Variants in PTPRM observed in about 807,000 individuals in gnomAD.
PTPRM encodes protein tyrosine phosphatase receptor type M.
Under a neutral mutation model 186.7 loss-of-function variants are expected in PTPRM, and 47 were observed. The observed-to-expected ratio is 0.25, with a 90% CI of 0.20 to 0.32. The LOEUF is 0.32. Among genes scored for constraint, PTPRM ranks in the 10% least tolerant of loss-of-function variants. PTPRM has a pLI of 1.00. For missense variants in PTPRM, 1,494 were observed against 1,865.0 expected, an observed-to-expected ratio of 0.80 and a Z score of 3.66; for synonymous variants, 668 against 674.9, an observed-to-expected ratio of 0.99 and a Z score of 0.16.
At position 7,979,228 on chromosome 18, in the gene PTPRM, T is replaced by C. The variant is rs145649401; in HGVS notation, c.1132+23814T>C. Among the ~76,000 whole-genome samples the C allele has an allele frequency of 8.2e-3, 1,253 of 152,312 alleles. 7 individuals are homozygous for C. Among genetic ancestry groups the C allele is most frequent in the South Asian group, 0.033 (159 of 4,822 alleles). ...ACCTTTGTCTGACCCTGTCTAAGTA[T>C]ATAAAAAACACAGAAGCATTCCCTT... On this transcript the variant is annotated intron_variant, in intron 7 of 32. Coordinates refer to ENST00000580170, the MANE Select transcript of PTPRM (RefSeq NM_001105244.2).
intron 7 of PTPRM, among the ~76,000 whole-genome samples, chr18:8,008,272 C>T (rs2084309677): frequency 6.6e-6 from 1 of 152,112 alleles, no homozygotes; most frequent in East Asian, 1.9e-4. Context: ...GTCGGCAGTT[C>T]AGTTCTGCAC....
At chr18:8,268,008 T>G (rs2094723235) in intron 19 of PTPRM, among the ~76,000 whole-genome samples, 1 of 152,180 alleles carries the variant, frequency 6.6e-6, no homozygotes, top group African/African-American at 2.4e-5. Flanking sequence ...TTGCCTACCT[T>G]TCCTTTCTTC....
intron 7 of PTPRM, among the ~76,000 whole-genome samples, chr18:8,008,941 G>A (rs941101221): frequency 6.6e-6 from 1 of 152,158 alleles, no homozygotes; most frequent in Non-Finnish European, 1.5e-5. Context: ...ACTGTAAGGA[G>A]GCTTAAAATC....
chr18:7,850,168 G>T (rs992234703), intron 2 of PTPRM, among the ~76,000 whole-genome samples: 4 of 152,122 alleles, frequency 2.6e-5, no homozygotes, highest in African/African-American at 9.7e-5. Flanking sequence ...TATTGTATAT[G>T]CATGTTTACA....
intron 24 of PTPRM, among the ~76,000 whole-genome samples, chr18:8,372,925 G>GGTTT (rs1438886334): frequency 6.6e-6 from 1 of 151,938 alleles, no homozygotes; most frequent in Non-Finnish European, 1.5e-5. Context: ...CTAAAGGAAG[G>GGTTT]GTTTGTTTGT....
intron 1 of PTPRM, among the ~76,000 whole-genome samples, chr18:7,624,678 C>T (rs2155748): frequency 0.066 from 10,084 of 152,154 alleles, 493 homozygotes; most frequent in South Asian, 0.2. Context: ...GGTTTTGCTA[C>T]GTTGCTCAGG....
intron 1 of PTPRM, among the ~76,000 whole-genome samples, chr18:7,747,216 C>T (rs1450252128): frequency 1.3e-5 from 2 of 152,138 alleles, no homozygotes; most frequent in African/African-American, 2.4e-5. Flanking sequence ...ACACCACTCC[C>T]AGACATACGC....
chr18:8,026,690 C>G (rs1018409262), intron 7 of PTPRM, among the ~76,000 whole-genome samples: 3 of 152,078 alleles, frequency 2.0e-5, no homozygotes, highest in Non-Finnish European at 4.4e-5. Context: ...AACCCCATCT[C>G]TACTAAAAAT....
chr18:8,296,318 C>A, intron 19 of PTPRM, 50 bp from the exon 20 acceptor site: 1 of 1,180,912 alleles, frequency 8.5e-7, no homozygotes. Flanking sequence ...CGTTAAGATC[C>A]CTCTGTTTAC....
intron 2 of PTPRM, among the ~76,000 whole-genome samples, chr18:7,795,103 T>G (rs184043749): frequency 3.0e-4 from 46 of 152,372 alleles, no homozygotes; most frequent in Non-Finnish European, 5.9e-5. Context: ...AAGAGCTGAT[T>G]CACGGGCTTC....
chr18:7,702,312 G>T (rs930173121), intron 1 of PTPRM, among the ~76,000 whole-genome samples: 1 of 152,188 alleles, frequency 6.6e-6, no homozygotes, highest in Non-Finnish European at 1.5e-5. Flanking sequence ...CACCAACAGT[G>T]TAAAAGCATT....
chr18:8,387,766 G>GCA (rs1375220149), intron 31 of PTPRM, among the ~76,000 whole-genome samples: 8 of 77,418 alleles, frequency 1.0e-4, no homozygotes, highest in East Asian at 4.3e-4. Context: ...GCGTGTGTGT[G>GCA]CGCGCGCGTG....
chr18:7,965,196 C>T (rs1443070605), intron 7 of PTPRM, among the ~76,000 whole-genome samples: 3 of 152,226 alleles, frequency 2.0e-5, no homozygotes, highest in Admixed American at 6.5e-5. Flanking sequence ...CAGGCACGCG[C>T]CACCACGCCC....
chr18:8,121,676 T>C (rs191809456), intron 13 of PTPRM, among the ~76,000 whole-genome samples: 350 of 152,338 alleles, frequency 2.3e-3, no homozygotes, highest in African/African-American at 7.8e-3. Context: ...AGTTCCTGAA[T>C]GGAAAGCTGC....
intron 29 of PTPRM, among the ~76,000 whole-genome samples, chr18:8,383,162 G>C (rs549089142): frequency 6.6e-6 from 1 of 151,754 alleles, no homozygotes; most frequent in Non-Finnish European, 1.5e-5. Context: ...GCCGGGCGTG[G>C]TGGCGCATGC....
At chr18:7,910,990 A>G (rs1203623907) in intron 4 of PTPRM, among the ~76,000 whole-genome samples, 1 of 152,046 alleles carries the variant, frequency 6.6e-6, no homozygotes, top group Non-Finnish European at 1.5e-5. Context: ...GTTCCTGTAG[A>G]TTTGCTTGTT....
At chr18:7,976,429 A>G (rs1056447250) in intron 7 of PTPRM, among the ~76,000 whole-genome samples, 10 of 152,164 alleles carry the variant, frequency 6.6e-5, no homozygotes, top group Non-Finnish European at 1.0e-4. Context: ...CCACACCAAG[A>G]GTGAATCCTG....
chr18:7,927,839 C>G (rs758527804), intron 5 of PTPRM, among the ~76,000 whole-genome samples: 58 of 152,162 alleles, frequency 3.8e-4, no homozygotes, highest in Non-Finnish European at 7.8e-4. Context: ...CTCCTGGGAT[C>G]AAGTGATCCT....
chr18:8,179,180 A>G (rs1217212855), intron 14 of PTPRM, among the ~76,000 whole-genome samples: 1 of 152,232 alleles, frequency 6.6e-6, no homozygotes, highest in Non-Finnish European at 1.5e-5. Context: ...AAGAAGTCAG[A>G]TTATTACTGC....
Sources: gnomAD v4.1 joint callset for allele counts (sites outside exome capture counted in the v4.1 genomes callset) on GRCh38, gnomAD v4.1.1 for gene constraint, MANE v1.5 for transcripts, NCBI Gene and HGNC (gene_info 2026-07-23, HGNC 2026-07-21) for gene names.